CHN1: variants seen among roughly 807,000 people sequenced by gnomAD.
CHN1 encodes chimerin 1.
Under a neutral mutation model 59.5 loss-of-function variants are expected in CHN1, and 37 were observed. The observed-to-expected ratio is 0.62, with a 90% CI of 0.48 to 0.82. CHN1 has a LOEUF of 0.82. CHN1 is among the 40% of genes least tolerant of loss of function. The probability of loss-of-function intolerance (pLI) is 0.00; values close to 1 mark genes in which losing one functional copy is unlikely to be tolerated. For synonymous variants in CHN1, 206 were observed against 200.4 expected (o/e 1.03, Z -0.24); for missense variants, 469 against 571.0 (o/e 0.82, Z 1.82).
chr2:174,854,869 TG>T (rs1204832264), intron 6 of CHN1, among the ~76,000 whole-genome samples: 1 of 152,184 alleles, frequency 6.6e-6, no homozygotes, highest in African/African-American at 2.4e-5. Context: ...CTATGCAATG[TG>T]AGCTCAGGTC....
intron 3 of CHN1, among the ~76,000 whole-genome samples, chr2:174,926,116 T>C (rs915838680): frequency 6.6e-6 from 1 of 152,184 alleles, no homozygotes; most frequent in Admixed American, 6.5e-5. Context: ...GAACAGCAGA[T>C]CAATCATTTT....
intron 1 of CHN1, among the ~76,000 whole-genome samples, chr2:174,966,040 C>T (rs1388835280): frequency 2.0e-5 from 3 of 152,134 alleles, no homozygotes; most frequent in Non-Finnish European, 4.4e-5. Flanking sequence ...AAAAATGAGC[C>T]TTGCTAGGTT....
chr2:174,919,822 T>C (rs917462492), intron 3 of CHN1, among the ~76,000 whole-genome samples: 6 of 152,150 alleles, frequency 3.9e-5, no homozygotes, highest in Non-Finnish European at 8.8e-5. Context: ...TTCAAGTATA[T>C]AATACATTGT....
At chr2:174,949,855 T>C (rs774891178) in intron 2 of CHN1, among the ~76,000 whole-genome samples, 22 of 152,194 alleles carry the variant, frequency 1.4e-4, no homozygotes, top group Non-Finnish European at 2.6e-4. Flanking sequence ...AGATAAAATA[T>C]CTATTTTAAT....
chr2:174,840,095 CATT>C (rs910947113), intron 7 of CHN1, among the ~76,000 whole-genome samples: 1 of 149,990 alleles, frequency 6.7e-6, no homozygotes, highest in Non-Finnish European at 1.5e-5. Flanking sequence ...AGGAATATGG[CATT>C]ATTATACATA....
At chr2:174,817,890 G>A (rs1292881219) in intron 8 of CHN1, among the ~76,000 whole-genome samples, 1 of 152,102 alleles carries the variant, frequency 6.6e-6, no homozygotes, top group Non-Finnish European at 1.5e-5. Context: ...TCCCGCCTTG[G>A]CCTCCCAAAG....
chr2:174,819,568 A>AGAT (rs1282555292), intron 8 of CHN1, among the ~76,000 whole-genome samples: 1 of 152,206 alleles, frequency 6.6e-6, no homozygotes, highest in Non-Finnish European at 1.5e-5. Context: ...ACATAATAAT[A>AGAT]GATTACTTTA....
chr2:174,905,430 T>C (rs557183644), intron 5 of CHN1, among the ~76,000 whole-genome samples: 30 of 152,286 alleles, frequency 2.0e-4, no homozygotes, highest in African/African-American at 6.7e-4. Flanking sequence ...GCCAAAAATA[T>C]CTTGAAATCA....
At chr2:174,994,966 C>T (rs193211019) in intron 1 of CHN1, among the ~76,000 whole-genome samples, 1 of 152,098 alleles carries the variant, frequency 6.6e-6, no homozygotes, top group Admixed American at 6.6e-5. Context: ...GTTTAAGTTT[C>T]CGATTACAGA....
intron 6 of CHN1, among the ~76,000 whole-genome samples, chr2:174,870,446 C>G (rs1687372984): frequency 6.6e-6 from 1 of 152,140 alleles, no homozygotes; most frequent in African/African-American, 2.4e-5. Context: ...TTTCCAATCT[C>G]TGAGAGGTGC....
chr2:174,950,163 A>C (rs1477770993), intron 2 of CHN1, among the ~76,000 whole-genome samples: 43 of 152,028 alleles, frequency 2.8e-4, no homozygotes, highest in Non-Finnish European at 5.9e-5. Context: ...TGGGAGGATC[A>C]CTTGAGCCCA....
At chr2:174,825,696 A>G (rs1230254500) in intron 7 of CHN1, among the ~76,000 whole-genome samples, 1 of 152,238 alleles carries the variant, frequency 6.6e-6, no homozygotes, top group Non-Finnish European at 1.5e-5. Context: ...TATCTGCCAA[A>G]ACCACTACCA....
chr2:174,919,363 GCTCT>G (rs1253438801), intron 3 of CHN1, among the ~76,000 whole-genome samples: 5 of 152,158 alleles, frequency 3.3e-5, no homozygotes, highest in Non-Finnish European at 7.4e-5. Context: ...GGTTAGCAAA[GCTCT>G]CTCTGAGATG....
rs555391720 is a variant in CHN1, at chr2:174,826,102, AC to A, written c.628-1585del. On this transcript the variant is annotated intron_variant, in intron 7 of 12. Coordinates refer to ENST00000409900, the MANE Select transcript of CHN1 (RefSeq NM_001822.7). ...TTGCTGTTGCCAACTGAGTCTGAGT[AC>A]AAAATTTTATGTTGATTTTGAAAAG... 2.6e-3 allele frequency among the ~76,000 whole-genome samples: 390 copies of A among 152,332 alleles called. 1 individual carries two copies. The highest frequency in any genetic ancestry group is 9.0e-3 in the African/African-American group (373 of 41,578).
At chr2:174,961,865 A>G (rs577050510) in intron 1 of CHN1, among the ~76,000 whole-genome samples, 7 of 152,334 alleles carry the variant, frequency 4.6e-5, no homozygotes, top group Non-Finnish European at 1.0e-4. Context: ...TCTCAGTATT[A>G]TTACAAAAAT....
chr2:174,991,814 G>C (rs1691556025), intron 1 of CHN1, among the ~76,000 whole-genome samples: 1 of 152,160 alleles, frequency 6.6e-6, no homozygotes, highest in Non-Finnish European at 1.5e-5. Context: ...CCATGGTTTA[G>C]GGGAGCTATT....
Position 174,875,800 on chromosome 2 carries a change from T to C in CHN1, c.549+2040A>G, listed in dbSNP as rs994163789. 1.2e-5 allele frequency: 12 copies of C among 984,820 alleles called. No individual in the cohort carries two copies. In the African/African-American group the frequency reaches 1.2e-4, roughly 10 times the overall value. The allele number at this position is 984,820 out of a possible 1,614,324, so 61.0% of individuals were successfully genotyped here. ...TGTCTTTACTTACAAATGTCATCCA[T>C]TGTGACAGGGAATCAACGTTTCAAG... On this transcript the variant is annotated intron_variant, in intron 6 of 12. Coordinates refer to ENST00000409900, the MANE Select transcript of CHN1 (RefSeq NM_001822.7).
chr2:175,004,625 T>G (rs894368272), intron 1 of CHN1, among the ~76,000 whole-genome samples: 1 of 152,166 alleles, frequency 6.6e-6, no homozygotes, highest in Non-Finnish European at 1.5e-5. Flanking sequence ...AGAATCTTTG[T>G]GCGTTTGCAA....
chr2:174,987,360 G>A (rs1247660713), intron 1 of CHN1, among the ~76,000 whole-genome samples: 2 of 151,520 alleles, frequency 1.3e-5, no homozygotes, highest in Non-Finnish European at 2.9e-5. Context: ...CATATACATA[G>A]AAACTCAAAT....
Sources: allele counts gnomAD v4.1 joint callset (sites outside exome capture counted in the v4.1 genomes callset), GRCh38; gene constraint gnomAD v4.1.1; transcripts MANE v1.5; gene names NCBI Gene and HGNC (gene_info 2026-07-23, HGNC 2026-07-21).